Variants in PRR16 observed in about 807,000 individuals in gnomAD.
PRR16 encodes the protein protein Largen.
A neutral mutation model predicts 18.2 loss-of-function variants in PRR16; 6 were observed. The observed-to-expected ratio is 0.33, with a 90% CI of 0.18 to 0.65. The LOEUF (loss-of-function observed/expected upper bound fraction) is 0.65. PRR16 is among the 30% of genes least tolerant of loss of function. PRR16 has a pLI of 0.74. For synonymous variants in PRR16, 151 were observed against 147.8 expected (o/e 1.02, Z -0.16); for missense variants, 412 against 376.6 (o/e 1.09, Z -0.78).
chr5:120,511,332 G>A (rs1216500791), intron 1 of PRR16, among the ~76,000 whole-genome samples: 6 of 152,056 alleles, frequency 3.9e-5, no homozygotes, highest in African/African-American at 1.4e-4. Flanking sequence ...CTCTCTCTTG[G>A]ACTGAGCCTC....
At chr5:120,600,976 A>G (rs952967755) in intron 1 of PRR16, among the ~76,000 whole-genome samples, 2 of 152,030 alleles carry the variant, frequency 1.3e-5, no homozygotes, top group Non-Finnish European at 2.9e-5. Flanking sequence ...CCCACCATTA[A>G]TGAGCATGTA....
intron 1 of PRR16, among the ~76,000 whole-genome samples, chr5:120,516,162 G>A (rs1309798471): frequency 6.6e-6 from 1 of 152,054 alleles, no homozygotes; most frequent in African/African-American, 2.4e-5. Flanking sequence ...GGTGGTTTAT[G>A]CCCGTAATCT....
At chr5:120,568,082 T>G (rs1412384350) in intron 1 of PRR16, among the ~76,000 whole-genome samples, 2 of 152,194 alleles carry the variant, frequency 1.3e-5, no homozygotes, top group East Asian at 3.9e-4. Flanking sequence ...GGACAAATGA[T>G]TACAAGATTT....
intron 1 of PRR16, among the ~76,000 whole-genome samples, chr5:120,568,312 C>G (rs990404352): frequency 2.0e-5 from 3 of 152,050 alleles, no homozygotes; most frequent in African/African-American, 7.2e-5. Context: ...CCCGAAGTAC[C>G]TGTACTGTTA....
At chr5:120,592,409 C>G (rs1753666477) in intron 1 of PRR16, among the ~76,000 whole-genome samples, 1 of 152,098 alleles carries the variant, frequency 6.6e-6, no homozygotes, top group Non-Finnish European at 1.5e-5. Context: ...ATGGTATATT[C>G]TGGACAACAT....
At chr5:120,503,185 T>A (rs1218609408) in intron 1 of PRR16, among the ~76,000 whole-genome samples, 1 of 152,180 alleles carries the variant, frequency 6.6e-6, no homozygotes, top group African/African-American at 2.4e-5. Flanking sequence ...TTAAAAAATC[T>A]TAAGTCTTGC....
intron 1 of PRR16, among the ~76,000 whole-genome samples, chr5:120,636,766 A>G (rs1295055334): frequency 6.6e-6 from 1 of 152,134 alleles, no homozygotes; most frequent in Non-Finnish European, 1.5e-5. Context: ...TGCAACAAAA[A>G]CGAAGAAAAA....
rs979974659 is a variant in PRR16, at chr5:120,673,331, G to A, written c.160-12623G>A. Among the ~76,000 whole-genome samples, 7 of 152,132 alleles carry A rather than the reference G, an allele frequency of 4.6e-5. No homozygotes were observed. The South Asian group carries it at 6.2e-4, about 14-fold the overall frequency. On this transcript the variant is annotated intron_variant, in intron 1 of 1. Coordinates refer to ENST00000407149, the MANE Select transcript of PRR16 (RefSeq NM_001300783.2). ...GCATGATGATTTGGGGCATTTCTAC[G>A]TATTTCAAGTGCAGCTCACAAATGC...
At chr5:120,497,376 A>T (rs1294752935) in intron 1 of PRR16, among the ~76,000 whole-genome samples, 6 of 135,144 alleles carry the variant, frequency 4.4e-5, no homozygotes, top group East Asian at 2.1e-4. Context: ...CCCTGTTTTG[A>T]TGAACTGATT....
At chr5:120,546,563 C>G (rs189648023) in intron 1 of PRR16, among the ~76,000 whole-genome samples, 8 of 152,206 alleles carry the variant, frequency 5.3e-5, no homozygotes, top group Admixed American at 3.9e-4. Context: ...CCCTGCATGT[C>G]AGTGTTTAAC....
At chr5:120,547,916 A>G (rs1752123309) in intron 1 of PRR16, among the ~76,000 whole-genome samples, 1 of 152,068 alleles carries the variant, frequency 6.6e-6, no homozygotes, top group African/African-American at 2.4e-5. Context: ...CAATTTTCAT[A>G]GAAGTTTACT....
intron 1 of PRR16, among the ~76,000 whole-genome samples, chr5:120,574,665 A>G (rs1753017629): frequency 6.8e-6 from 1 of 147,542 alleles, no homozygotes; most frequent in Non-Finnish European, 1.5e-5. Flanking sequence ...ATGAAACAGT[A>G]CTCAATTTCA....
chr5:120,520,099 G>A (rs1229128861), intron 1 of PRR16, among the ~76,000 whole-genome samples: 3 of 152,128 alleles, frequency 2.0e-5, no homozygotes, highest in Non-Finnish European at 4.4e-5. Context: ...TTCCTATTTT[G>A]AAGCAGTAAT....
chr5:120,687,077 C>G lies in PRR16; in HGVS notation c.*368C>G, dbSNP rs1757150610. On this transcript the variant is annotated 3_prime_UTR_variant, in exon 2 of 2. Coordinates refer to ENST00000407149, the MANE Select transcript of PRR16 (RefSeq NM_001300783.2). ...ATGCATTAACATGTCATATTCTTAA[C>G]TTTGATCTAATGCTTTTTACTAGGA... The G allele has an allele frequency of 6.3e-6, 1 of 159,962 alleles. No homozygotes were observed. The highest frequency in any genetic ancestry group is 1.4e-5 in the Non-Finnish European group (1 of 73,282). 9.9% of individuals were successfully genotyped at this position (159,962 alleles called of 1,614,324 possible). A position where few individuals can be genotyped will look rare whatever the true frequency, so the allele number is the denominator to read the frequency against.
chr5:120,688,739 G>A (rs754744691), downstream of PRR16, among the ~76,000 whole-genome samples: 1 of 152,098 alleles, frequency 6.6e-6, no homozygotes, highest in African/African-American at 2.4e-5. Flanking sequence ...GACACTTTTC[G>A]ATGTCGGGGA....
At chr5:120,762,147 G>A in the PRR16 span, among the ~76,000 whole-genome samples, 1 of 151,890 alleles carries the variant, frequency 6.6e-6, no homozygotes, top group Admixed American at 6.6e-5. Flanking sequence ...ATGTATCTTT[G>A]GCTACTGCTA....
intron 1 of PRR16, among the ~76,000 whole-genome samples, chr5:120,684,908 C>A (rs1252076323): frequency 6.6e-6 from 1 of 152,234 alleles, no homozygotes. Flanking sequence ...CTCTGCCAGC[C>A]TTATCTGAGT....
the PRR16 span, among the ~76,000 whole-genome samples, chr5:120,753,169 G>C: frequency 6.6e-6 from 1 of 151,888 alleles, no homozygotes; most frequent in African/African-American, 2.4e-5. Flanking sequence ...GTAAACCAAA[G>C]AAATTTAAGG....
chr5:120,644,293 T>C (rs754122942), intron 1 of PRR16, among the ~76,000 whole-genome samples: 1 of 152,094 alleles, frequency 6.6e-6, no homozygotes, highest in Non-Finnish European at 1.5e-5. Context: ...CTTTAACTTA[T>C]AGAATATTTG....
Sources: allele counts gnomAD v4.1 joint callset (sites outside exome capture counted in the v4.1 genomes callset), GRCh38; gene constraint gnomAD v4.1.1; transcripts MANE v1.5; gene names NCBI Gene and HGNC (gene_info 2026-07-23, HGNC 2026-07-21).